RFTN1: variants seen among roughly 807,000 people sequenced by gnomAD.
RFTN1 encodes the protein raftlin, lipid raft linker 1.
Under a neutral mutation model 46.5 loss-of-function variants are expected in RFTN1, and 26 were observed. The ratio of observed to expected loss-of-function variants is 0.56; its 90% confidence interval spans 0.41 to 0.78. The LOEUF is 0.78. Ranked by LOEUF, RFTN1 falls within the 30% of genes least tolerant of loss-of-function variation. The probability of loss-of-function intolerance (pLI) is 0.00; values close to 1 mark genes in which losing one functional copy is unlikely to be tolerated. For missense variants in RFTN1, 693 were observed against 718.7 expected (o/e 0.96, Z 0.41); for synonymous variants, 261 against 284.2 (o/e 0.92, Z 0.82).
rs1308780906 is a variant in RFTN1 at position 16,320,672 on chromosome 3, AGAAAAGGATG to A, written c.1332+2694_1332+2703del. Among the ~76,000 whole-genome samples, 4 of 152,222 alleles carry A rather than the reference AGAAAAGGATG, an allele frequency of 2.6e-5. No individual in the cohort carries two copies. The highest frequency in any genetic ancestry group is 9.6e-5 in the African/African-American group (4 of 41,458). The stretch of plus-strand genomic sequence containing the variant: ...TATAAAAGGAGACAGCACTGTTCTG[AGAAAAGGATG>A]CTCGAGTAGAGCTAGAAAGGAGGAG... On this transcript the variant is annotated intron_variant, in intron 9 of 9. Transcript: ENST00000334133. This position sits in a 1 kb window ranked among gnomAD's most constrained non-coding sequence, Gnocchi z 4.5.
intron 4 of RFTN1, among the ~76,000 whole-genome samples, chr3:16,379,671 C>T (rs1477825982): frequency 1.3e-5 from 2 of 152,122 alleles, no homozygotes; most frequent in East Asian, 1.9e-4. Context: ...TCATACGCCC[C>T]GAGTTGGCTC....
intron 1 of RFTN1, among the ~76,000 whole-genome samples, chr3:16,497,348 C>G (rs2076641880): frequency 6.6e-6 from 1 of 152,206 alleles, no homozygotes; most frequent in Non-Finnish European, 1.5e-5. Flanking sequence ...TGAATAAAAA[C>G]TGAAGCAATA....
chr3:16,319,253 T>A (rs2068776924), intron 9 of RFTN1, among the ~76,000 whole-genome samples: 1 of 152,330 alleles, frequency 6.6e-6, no homozygotes, highest in East Asian at 1.9e-4. Context: ...CGAGAGGCAG[T>A]TGGCTCTCAG....
At chr3:16,432,684 A>G (rs550900585) in intron 3 of RFTN1, among the ~76,000 whole-genome samples, 9 of 152,136 alleles carry the variant, frequency 5.9e-5, no homozygotes, top group African/African-American at 1.9e-4. Context: ...AGAAAAAAAA[A>G]AGAGAGAGAG....
In RFTN1 at chr3:16,344,534, A is replaced by G. The variant is rs1031846373; in HGVS notation, c.1146+13398T>C. Among the ~76,000 whole-genome samples the G allele has an allele frequency of 4.6e-5, 7 of 152,052 alleles. No homozygotes were observed. Among genetic ancestry groups the G allele is most frequent in the Non-Finnish European group, 1.0e-4 (7 of 68,008 alleles). On this transcript the variant is annotated intron_variant, in intron 7 of 9. Transcript: ENST00000334133. The surrounding 1 kb of genome is among the most constrained non-coding windows in gnomAD (Gnocchi z 4.4). The stretch of plus-strand genomic sequence containing the variant: ...ACTAGAATGCTTTATGTGGAGCCCA[A>G]GAGCATCCATGTTCTTATTCTTAGA...
intron 2 of RFTN1, among the ~76,000 whole-genome samples, chr3:16,438,685 T>C (rs2075563892): frequency 6.6e-6 from 1 of 150,662 alleles, no homozygotes; most frequent in Non-Finnish European, 1.5e-5. Flanking sequence ...GAACACTCAA[T>C]TTCTTTGTAT....
intron 3 of RFTN1, among the ~76,000 whole-genome samples, chr3:16,432,088 C>T (rs2075400162): frequency 6.6e-6 from 1 of 152,216 alleles, no homozygotes; most frequent in Non-Finnish European, 1.5e-5. Context: ...TCAAGCCTCA[C>T]ATACAGTGAG....
intron 2 of RFTN1, among the ~76,000 whole-genome samples, chr3:16,477,770 C>T (rs2076305974): frequency 6.6e-6 from 1 of 152,224 alleles, no homozygotes; most frequent in South Asian, 2.1e-4. Flanking sequence ...TGCATCTCAT[C>T]AATATGTTTA....
chr3:16,467,081 CA>C (rs1419000342), intron 2 of RFTN1, among the ~76,000 whole-genome samples: 2 of 151,904 alleles, frequency 1.3e-5, no homozygotes, highest in African/African-American at 2.4e-5. Context: ...GTGAGAGATA[CA>C]CAAAACAAAA....
Position 16,344,504 on chromosome 3 carries a change from G to A in RFTN1, c.1146+13428C>T, listed in dbSNP as rs1276414868. Among the ~76,000 whole-genome samples, 1 of 151,842 alleles carries A rather than the reference G, an allele frequency of 6.6e-6. No homozygotes were observed. Among genetic ancestry groups the A allele is most frequent in the African/African-American group, 2.4e-5 (1 of 41,284 alleles). On this transcript the variant is annotated intron_variant, in intron 7 of 9. Transcript: ENST00000334133. The surrounding 1 kb of genome is among the most constrained non-coding windows in gnomAD (Gnocchi z 4.4). ...ACCTGCCCTGGCCTTCTTCCCCCTCGCCCAACTAGAATGCTTTATGTGGAG... is the reference window on the plus strand; with the variant it reads ...ACCTGCCCTGGCCTTCTTCCCCCTCACCCAACTAGAATGCTTTATGTGGAG...
In RFTN1 at chr3:16,491,331, C is replaced by A. The variant is rs151015785; in HGVS notation, c.145+2394G>T. On this transcript the variant is annotated intron_variant, in intron 2 of 9. Transcript: ENST00000334133. ...AGTCAAAGCAGCGGAACACCAAAGA[C>A]AAGCAGTGGGAGAATGCGGTCAAGG... Among the ~76,000 whole-genome samples, 448 of 152,238 alleles carry A rather than the reference C, an allele frequency of 2.9e-3. 1 individual carries two copies. The highest frequency in any genetic ancestry group is 0.01 in the African/African-American group (420 of 41,518).
intron 7 of RFTN1, among the ~76,000 whole-genome samples, chr3:16,332,838 T>C (rs77780891): frequency 1.5e-4 from 23 of 151,300 alleles, no homozygotes; most frequent in Non-Finnish European, 2.9e-4. Context: ...CATCGATTTA[T>C]CTACCTACCT....
At chr3:16,497,372 T>C (rs1325614364) in intron 1 of RFTN1, among the ~76,000 whole-genome samples, 1 of 152,218 alleles carries the variant, frequency 6.6e-6, no homozygotes, top group East Asian at 1.9e-4. Flanking sequence ...ACAGTAGGCA[T>C]GTTCATCTGA....
intron 2 of RFTN1, among the ~76,000 whole-genome samples, chr3:16,477,596 G>A (rs565198306): frequency 1.3e-5 from 2 of 152,310 alleles, no homozygotes; most frequent in South Asian, 4.1e-4. Context: ...GGACATATGG[G>A]AAGAGCCAAA....
At position 16,428,992 on chromosome 3, in the gene RFTN1, A is replaced by G. The variant is rs2125485210; in HGVS notation, c.332+4859T>C. On this transcript the variant is annotated intron_variant, in intron 3 of 9. Transcript: ENST00000334133. The surrounding 1 kb of genome is among the most constrained non-coding windows in gnomAD (Gnocchi z 4.7). ...AAAAATCACTAAGTGTTCCAAAGAA[A>G]GAGTTGAGAAAATGAAGTACAAACT... 6.6e-6 allele frequency among the ~76,000 whole-genome samples: 1 copy of G among 152,350 alleles called. No individual in the cohort carries two copies. Among genetic ancestry groups the G allele is most frequent in the Admixed American group, 6.5e-5 (1 of 15,308 alleles).
At chr3:16,393,664 A>ATT (rs4035508) in intron 4 of RFTN1, among the ~76,000 whole-genome samples, 6 of 145,794 alleles carry the variant, frequency 4.1e-5, no homozygotes, top group East Asian at 2.0e-4. Flanking sequence ...TTTTTTTTTA[A>ATT]TTTTTTTTTT....
At position 16,440,297 on chromosome 3, in the gene RFTN1, T is replaced by C. The variant is rs2075596710; in HGVS notation, c.146-6260A>G. 6.6e-6 allele frequency among the ~76,000 whole-genome samples: 1 copy of C among 152,228 alleles called. No individual in the cohort carries two copies. Among genetic ancestry groups the C allele is most frequent in the South Asian group, 2.1e-4 (1 of 4,830 alleles). ...TTGGCTCACTGAAACCTCCGCCTTC[T>C]GGACTCAAGTGATCCTCCTGCCTCA... On this transcript the variant is annotated intron_variant, in intron 2 of 9. Coordinates refer to ENST00000334133, the MANE Select transcript of RFTN1 (RefSeq NM_015150.2). This position sits in a 1 kb window ranked among gnomAD's most constrained non-coding sequence, Gnocchi z 4.6.
At position 16,395,715 on chromosome 3, in the gene RFTN1, A is replaced by G. The variant is rs2074453300; in HGVS notation, c.441+13660T>C. On this transcript the variant is annotated intron_variant, in intron 4 of 9. Coordinates refer to ENST00000334133, the MANE Select transcript of RFTN1 (RefSeq NM_015150.2). ...CCTCCTGCCTCTAATTTTAATTTTA[A>G]AATGAAAGCAATATGAAATATTTTT... 2.0e-5 allele frequency among the ~76,000 whole-genome samples: 3 copies of G among 152,296 alleles called. No homozygotes were observed. In the South Asian group the frequency reaches 6.2e-4, roughly 32 times the overall value.
At chr3:16,349,139 G>C (rs1478995255) in intron 7 of RFTN1, 1 of 152,200 alleles carries the variant, frequency 6.6e-6, no homozygotes, top group East Asian at 1.9e-4. Flanking sequence ...AACACAAACT[G>C]TATAAACTAA....
Sources: allele counts gnomAD v4.1 joint callset (sites outside exome capture counted in the v4.1 genomes callset), GRCh38; gene constraint gnomAD v4.1.1; non-coding constraint Gnocchi (gnomAD v3.1); transcripts MANE v1.5; gene names NCBI Gene and HGNC (gene_info 2026-07-23, HGNC 2026-07-21).